CMTM8: variants seen among roughly 807,000 people sequenced by gnomAD.
CMTM8 encodes CKLF like MARVEL transmembrane domain containing 8, also known as CKLF-like MARVEL transmembrane domain-containing protein 8.
Under a neutral mutation model 18.6 loss-of-function variants are expected in CMTM8, and 12 were observed. The ratio of observed to expected loss-of-function variants is 0.65; its 90% CI spans 0.41 to 1.05. The LOEUF (loss-of-function observed/expected upper bound fraction) is 1.05, where lower values mean the gene tolerates loss of function less well. Among genes scored for constraint, CMTM8 ranks in the 50% least tolerant of loss-of-function variants. The probability of loss-of-function intolerance (pLI) is 0.00; values close to 1 mark genes in which losing one functional copy is unlikely to be tolerated. For synonymous variants in CMTM8, 87 were observed against 90.6 expected, an observed-to-expected ratio of 0.96 and a Z score of 0.23; for missense variants, 217 against 227.2, an observed-to-expected ratio of 0.95 and a Z score of 0.29.
intron 1 of CMTM8, among the ~76,000 whole-genome samples, chr3:32,280,473 GCAAT>G (rs1207052396): frequency 6.6e-6 from 1 of 152,080 alleles, no homozygotes; most frequent in Non-Finnish European, 1.5e-5. Context: ...GTTGCCTTCT[GCAAT>G]CAATCAGACT....
At chr3:32,349,182 C>A (rs184038771) in intron 1 of CMTM8, among the ~76,000 whole-genome samples, 39 of 152,090 alleles carry the variant, frequency 2.6e-4, no homozygotes, top group Non-Finnish European at 5.1e-4. Context: ...CTTCATAGAT[C>A]CAATAATCTT....
Position 32,238,920 on chromosome 3 carries a change from C to T in CMTM8, c.-53C>T. ...CCAGGGCGCAGGGCCGCGCGTCCAG[C>T]CCCAGACCCGCCGGGGTCCCTGGGG... is the stretch of plus-strand genomic sequence containing the variant. On this transcript the variant is annotated 5_prime_UTR_variant, in exon 1 of 4. Transcript: ENST00000307526. The T allele has an allele frequency of 6.6e-7, 1 of 1,518,920 alleles. No homozygotes were observed. Among genetic ancestry groups the T allele is most frequent in the South Asian group, 1.3e-5 (1 of 79,362 alleles). 94.1% of individuals were successfully genotyped at this position (1,518,920 alleles called of 1,614,324 possible).
intron 1 of CMTM8, among the ~76,000 whole-genome samples, chr3:32,247,513 A>G (rs1286789141): frequency 6.6e-6 from 1 of 152,120 alleles, no homozygotes; most frequent in Admixed American, 6.6e-5. Flanking sequence ...TTTAGCAGAT[A>G]TGGAGTTTCA....
intron 1 of CMTM8, among the ~76,000 whole-genome samples, chr3:32,342,572 A>T (rs1349368074): frequency 6.6e-6 from 1 of 152,190 alleles, no homozygotes. Flanking sequence ...GGCAGGGAAG[A>T]CAGAGCTTCA....
At position 32,337,976 on chromosome 3, in the gene CMTM8, C is replaced by CTT. The variant is rs1415837694; in HGVS notation, c.148-19377_148-19376dup. 5.0e-4 allele frequency among the ~76,000 whole-genome samples: 65 copies of CTT among 130,684 alleles called. 1 individual carries two copies. The highest frequency in any genetic ancestry group is 1.6e-3 in the African/African-American group (52 of 33,278). The allele number at this position is 130,684 out of a possible 152,430, so 85.7% of individuals were successfully genotyped here. On this transcript the variant is annotated intron_variant, in intron 1 of 3. Transcript: ENST00000307526. The stretch of plus-strand genomic sequence containing the variant: ...AAGCCAAAAATATTTACTATTTGGC[C>CTT]TTTTTTTTTTTTTTTTTTTTTAAAT...
In CMTM8 at chr3:32,369,942, C is replaced by A; in HGVS notation, c.497C>A (p.Ala166Glu). 1 of 1,605,708 alleles carries A rather than the reference C, an allele frequency of 6.2e-7. No individual in the cohort carries two copies. Among genetic ancestry groups the A allele is most frequent in the South Asian group, 1.1e-5 (1 of 90,480 alleles). ...GGAAATACATATTTCAGTTTTATAGCATGGAGATCCAGGACCATACAGTGA... is the reference window on the plus strand; with the variant it reads ...GGAAATACATATTTCAGTTTTATAGAATGGAGATCCAGGACCATACAGTGA... ...YAGNTYFSFIAWRSRTIQ is the reference protein window; with the variant it reads ...YAGNTYFSFIEWRSRTIQ The change falls in exon 4 of 4, where the codon GCA becomes GAA. Residue 166 changes from alanine to glutamate, a missense_variant. Transcript: ENST00000307526.
chr3:32,309,688 C>T (rs1156716229), intron 1 of CMTM8, among the ~76,000 whole-genome samples: 1 of 152,164 alleles, frequency 6.6e-6, no homozygotes, highest in East Asian at 1.9e-4. Context: ...AGGTGTCTCA[C>T]TTTTCCTCAA....
chr3:32,263,760 C>T (rs1370408171), intron 1 of CMTM8, among the ~76,000 whole-genome samples: 2 of 152,060 alleles, frequency 1.3e-5, no homozygotes, highest in East Asian at 1.9e-4. Context: ...CTTAAAGGAC[C>T]TCATGGAGCT....
At chr3:32,238,655 C>T (rs1701900596), upstream of CMTM8, 1 of 148,642 alleles carries the variant, frequency 6.7e-6, no homozygotes, top group African/African-American at 2.5e-5. Context: ...GCCCGCCCCT[C>T]TCCCCGCCCC....
intron 1 of CMTM8, among the ~76,000 whole-genome samples, chr3:32,343,184 A>G (rs1338233361): frequency 1.3e-5 from 2 of 152,250 alleles, no homozygotes; most frequent in Non-Finnish European, 2.9e-5. Flanking sequence ...GACTAGCTCC[A>G]TGACCCTAGG....
At chr3:32,277,576 G>A (rs1392239851) in intron 1 of CMTM8, among the ~76,000 whole-genome samples, 1 of 151,896 alleles carries the variant, frequency 6.6e-6, no homozygotes, top group Non-Finnish European at 1.5e-5. Flanking sequence ...AGGGTGATGA[G>A]AGTTTGCGGG....
intron 1 of CMTM8, among the ~76,000 whole-genome samples, chr3:32,312,092 A>T (rs1695831054): frequency 6.6e-6 from 1 of 152,200 alleles, no homozygotes; most frequent in African/African-American, 2.4e-5. Flanking sequence ...ACTACAGGGT[A>T]TGGGTTATGG....
intron 3 of CMTM8, among the ~76,000 whole-genome samples, chr3:32,368,487 G>T (rs1220760759): frequency 6.8e-6 from 1 of 147,146 alleles, no homozygotes; most frequent in Non-Finnish European, 1.5e-5. Context: ...TAGAGAAGGG[G>T]TCTTGCTCCA....
At chr3:32,343,055 C>G (rs1696530755) in intron 1 of CMTM8, among the ~76,000 whole-genome samples, 2 of 152,196 alleles carry the variant, frequency 1.3e-5, no homozygotes, top group Admixed American at 6.5e-5. Flanking sequence ...GTAGTGTCAC[C>G]TCAGCGAGAG....
chr3:32,324,575 G>A (rs1420517327), intron 1 of CMTM8, among the ~76,000 whole-genome samples: 1 of 152,216 alleles, frequency 6.6e-6, no homozygotes, highest in Non-Finnish European at 1.5e-5. Context: ...TGAAAAGGTA[G>A]CAGATGGTCC....
chr3:32,324,901 G>A (rs1246957863), intron 1 of CMTM8, among the ~76,000 whole-genome samples: 1 of 152,250 alleles, frequency 6.6e-6, no homozygotes, highest in Non-Finnish European at 1.5e-5. Context: ...AACATAAGGG[G>A]AGACCAAAGG....
At chr3:32,330,506 T>A (rs957692502) in intron 1 of CMTM8, among the ~76,000 whole-genome samples, 1 of 152,178 alleles carries the variant, frequency 6.6e-6, no homozygotes, top group African/African-American at 2.4e-5. Context: ...GTTTGTTTTA[T>A]ATGTATATAA....
chr3:32,331,414 T>C (rs1215939898), intron 1 of CMTM8, among the ~76,000 whole-genome samples: 1 of 151,928 alleles, frequency 6.6e-6, no homozygotes, highest in African/African-American at 2.4e-5. Context: ...CGGGGGGTCC[T>C]CAAAAAATTA....
chr3:32,294,995 T>C (rs1009260841), intron 1 of CMTM8, among the ~76,000 whole-genome samples: 20 of 151,906 alleles, frequency 1.3e-4, no homozygotes, highest in African/African-American at 4.1e-4. Flanking sequence ...GCGGAGGTTG[T>C]AGTGAGCTGA....
Sources: gnomAD v4.1 joint callset for allele counts (sites outside exome capture counted in the v4.1 genomes callset) on GRCh38, gnomAD v4.1.1 for gene constraint, MANE v1.5 for transcripts, NCBI Gene and HGNC (gene_info 2026-07-23, HGNC 2026-07-21) for gene names.